Variants in BCAS4 observed in about 807,000 individuals in gnomAD.
BCAS4 encodes breast carcinoma amplified sequence 4.
A neutral mutation model predicts 15.7 loss-of-function variants in BCAS4; 9 were observed. That is an observed-to-expected ratio of 0.57 (90% CI 0.34 to 1.00). The LOEUF is 1.00. Ranked by LOEUF, BCAS4 falls within the 50% of genes least tolerant of loss-of-function variation. The probability of loss-of-function intolerance (pLI) is 0.02; values close to 1 mark genes in which losing one functional copy is unlikely to be tolerated. For synonymous variants in BCAS4, 101 were observed against 99.5 expected, an observed-to-expected ratio of 1.02 and a Z score of -0.09; for missense variants, 225 against 239.1, an observed-to-expected ratio of 0.94 and a Z score of 0.39.
chr20:50,836,162 C>T (rs751108896), intron 3 of BCAS4, among the ~76,000 whole-genome samples: 15 of 152,124 alleles, frequency 9.9e-5, no homozygotes, highest in African/African-American at 1.2e-4. Context: ...GTGATCTGCC[C>T]GCTTCAGCCT....
At chr20:50,858,105 C>CTTCA (rs752689196) in intron 4 of BCAS4, among the ~76,000 whole-genome samples, 30 of 152,290 alleles carry the variant, frequency 2.0e-4, no homozygotes, top group Admixed American at 4.6e-4. Context: ...TCCACCCCAT[C>CTTCA]TTCATTCATT....
chr20:50,861,171 G>A (rs1224503624), intron 4 of BCAS4, among the ~76,000 whole-genome samples: 1 of 152,124 alleles, frequency 6.6e-6, no homozygotes, highest in Non-Finnish European at 1.5e-5. Context: ...AGAGGTGGGA[G>A]GTCTGAGTTC....
intron 3 of BCAS4, among the ~76,000 whole-genome samples, chr20:50,838,812 C>T (rs2088440862): frequency 6.6e-6 from 1 of 152,138 alleles, no homozygotes; most frequent in South Asian, 2.1e-4. Context: ...CTATTGCACT[C>T]CAGCCTGGGC....
chr20:50,838,815 G>T (rs1261275113), intron 3 of BCAS4, among the ~76,000 whole-genome samples: 1 of 152,096 alleles, frequency 6.6e-6, no homozygotes, highest in African/African-American at 2.4e-5. Flanking sequence ...TTGCACTCCA[G>T]CCTGGGCGAC....
intron 4 of BCAS4, among the ~76,000 whole-genome samples, chr20:50,863,194 T>C (rs1188946768): frequency 5.9e-5 from 9 of 151,590 alleles, no homozygotes; most frequent in Admixed American, 4.6e-4. Context: ...AGAGTAGTAT[T>C]TGTGCAACCT....
intron 1 of BCAS4, among the ~76,000 whole-genome samples, chr20:50,811,422 G>A (rs1243548141): frequency 6.6e-6 from 1 of 152,124 alleles, no homozygotes; most frequent in Non-Finnish European, 1.5e-5. Context: ...AAAGTATATA[G>A]TTTGTTGGCT....
At chr20:50,808,861 T>C (rs2088026861) in intron 1 of BCAS4, among the ~76,000 whole-genome samples, 1 of 152,340 alleles carries the variant, frequency 6.6e-6, no homozygotes, top group East Asian at 1.9e-4. Context: ...TTTATCTTTG[T>C]TTTTATTGCA....
intron 4 of BCAS4, among the ~76,000 whole-genome samples, chr20:50,866,832 C>T (rs952881125): frequency 2.0e-5 from 3 of 152,206 alleles, no homozygotes; most frequent in African/African-American, 7.2e-5. Flanking sequence ...CCAAGTGACT[C>T]GCTGAGCCTC....
intron 2 of BCAS4, among the ~76,000 whole-genome samples, chr20:50,820,870 A>G (rs1225803895): frequency 6.6e-6 from 1 of 152,214 alleles, no homozygotes; most frequent in Non-Finnish European, 1.5e-5. Context: ...CACAGGTCCA[A>G]TCCTGCCTGC....
At chr20:50,821,757 G>A (rs1052466198) in intron 2 of BCAS4, among the ~76,000 whole-genome samples, 1 of 152,158 alleles carries the variant, frequency 6.6e-6, no homozygotes, top group African/African-American at 2.4e-5. Flanking sequence ...AGAAATCAAA[G>A]TCCAGCTTCC....
At chr20:50,803,093 A>T (rs906643387) in intron 1 of BCAS4, among the ~76,000 whole-genome samples, 1 of 152,062 alleles carries the variant, frequency 6.6e-6, no homozygotes, top group Admixed American at 6.6e-5. Context: ...GGGCATGAGA[A>T]TCGCTCGAAC....
intron 2 of BCAS4, among the ~76,000 whole-genome samples, chr20:50,822,917 T>C (rs1219120119): frequency 6.6e-6 from 1 of 151,736 alleles, no homozygotes; most frequent in Non-Finnish European, 1.5e-5. Context: ...CGTGAGCCAC[T>C]GCACCCAGCC....
At chr20:50,821,491 C>G (rs6020771) in intron 2 of BCAS4, among the ~76,000 whole-genome samples, 5,168 of 152,312 alleles carry the variant, frequency 0.034, 94 homozygotes, top group African/African-American at 0.054. Flanking sequence ...TACATGACTA[C>G]AGAGAGAGGT....
chr20:50,876,037 G>A (rs1050513716), intron 4 of BCAS4: 24 of 455,888 alleles, frequency 5.3e-5, no homozygotes, highest in African/African-American at 3.2e-4. Context: ...TGCAACCTCC[G>A]CCTCCCGGGT....
At chr20:50,874,469 C>T (rs974810990) in intron 4 of BCAS4, among the ~76,000 whole-genome samples, 1 of 152,240 alleles carries the variant, frequency 6.6e-6, no homozygotes, top group African/African-American at 2.4e-5. Context: ...TTCCCCAGGC[C>T]TTTGTGCCTG....
intron 4 of BCAS4, among the ~76,000 whole-genome samples, chr20:50,842,619 T>TAGA (rs2088498813): frequency 2.0e-5 from 3 of 152,222 alleles, no homozygotes; most frequent in Non-Finnish European, 2.9e-5. Flanking sequence ...GGTTTCACCA[T>TAGA]GTTGGCCAGG....
Position 50,851,029 on chromosome 20 carries a change from C to T in BCAS4, c.399+9129C>T, listed in dbSNP as rs548070939. Among the ~76,000 whole-genome samples the T allele has an allele frequency of 1.2e-4, 18 of 151,434 alleles. No individual in the cohort carries two copies. The East Asian group carries it at 1.6e-3, about 13-fold the overall frequency. ...CCTCCCCAGCGACCCCCCCAGCTCC[C>T]GCCCCTTGCCTCCTCTCCCCTTCCT... On this transcript the variant is annotated intron_variant, in intron 4 of 4. Coordinates refer to ENST00000371608, the MANE Select transcript of BCAS4 (RefSeq NM_198799.4). The surrounding 1 kb of genome is among the most constrained non-coding windows in gnomAD (Gnocchi z 4.3).
chr20:50,823,123 T>A (rs1313119072), intron 2 of BCAS4, among the ~76,000 whole-genome samples: 3 of 151,656 alleles, frequency 2.0e-5, no homozygotes, highest in Non-Finnish European at 1.5e-5. Context: ...GTGGATCACC[T>A]GAGGTCAGGA....
chr20:50,863,480 A>T (rs1440254252), intron 4 of BCAS4, among the ~76,000 whole-genome samples: 1 of 150,748 alleles, frequency 6.6e-6, no homozygotes, highest in East Asian at 1.9e-4. Context: ...CTGGTCTTGA[A>T]CTCCTGACCT....
Sources: allele counts gnomAD v4.1 joint callset (sites outside exome capture counted in the v4.1 genomes callset), GRCh38; gene constraint gnomAD v4.1.1; non-coding constraint Gnocchi (gnomAD v3.1); transcripts MANE v1.5; gene names NCBI Gene and HGNC (gene_info 2026-07-23, HGNC 2026-07-21).